The following PIK3C2G variants were observed in gnomAD, a reference collection of about 807,000 sequenced individuals.
PIK3C2G encodes the protein phosphatidylinositol-4-phosphate 3-kinase catalytic subunit type 2 gamma.
In PIK3C2G, 168 loss-of-function variants were observed where a neutral mutation model predicts 181.1. The observed-to-expected ratio is 0.93, with a 90% CI of 0.82 to 1.05. The LOEUF (loss-of-function observed/expected upper bound fraction) is 1.05, where lower values mean the gene tolerates loss of function less well. Among genes scored for constraint, PIK3C2G ranks in the 50% least tolerant of loss-of-function variants. The pLI is 0.00. For synonymous variants in PIK3C2G, 573 were observed against 592.2 expected (o/e 0.97, Z 0.47); for missense variants, 1,869 against 1,732.8 (o/e 1.08, Z -1.40).
chr12:18,705,360 A>G, the PIK3C2G span: 1 of 1,606,058 alleles, frequency 6.2e-7, no homozygotes, highest in Non-Finnish European at 8.5e-7. Context: ...AAACTTCTAA[A>G]TAATTGTAAG....
intron 24 of PIK3C2G, 141 bp from the exon 25 acceptor site, chr12:18,538,015 C>T (rs974670294): frequency 1.9e-5 from 13 of 688,046 alleles, no homozygotes; most frequent in East Asian, 1.4e-4. Flanking sequence ...CTCAAGCTGC[C>T]TCACAATGAA....
chr12:18,318,136 C>T (rs1274176831), intron 6 of PIK3C2G, among the ~76,000 whole-genome samples: 1 of 152,146 alleles, frequency 6.6e-6, no homozygotes, highest in East Asian at 1.9e-4. Context: ...ATATACACTG[C>T]AGTATCATGA....
At chr12:18,568,394 GT>G (rs1401830800) in intron 29 of PIK3C2G, among the ~76,000 whole-genome samples, 1 of 151,656 alleles carries the variant, frequency 6.6e-6, no homozygotes, top group Non-Finnish European at 1.5e-5. Context: ...TTGTGTGTGT[GT>G]GTGTGTGTGT....
At chr12:18,424,258 G>T (rs911292041) in intron 18 of PIK3C2G, among the ~76,000 whole-genome samples, 1 of 152,118 alleles carries the variant, frequency 6.6e-6, no homozygotes, top group African/African-American at 2.4e-5. Context: ...TAATCAGGAA[G>T]TTAAATCCAA....
At chr12:18,439,210 T>G (rs1946604265) in intron 18 of PIK3C2G, among the ~76,000 whole-genome samples, 1 of 151,998 alleles carries the variant, frequency 6.6e-6, no homozygotes, top group Non-Finnish European at 1.5e-5. Context: ...TTCTGAAACA[T>G]GCTAAGTGTC....
At chr12:18,312,019 A>C (rs1234774882) in intron 5 of PIK3C2G, among the ~76,000 whole-genome samples, 2 of 152,190 alleles carry the variant, frequency 1.3e-5, no homozygotes, top group Non-Finnish European at 2.9e-5. Context: ...TGCGAGGCTA[A>C]GCCAGTCTAG....
At chr12:18,337,600 G>A in intron 8 of PIK3C2G, among the ~76,000 whole-genome samples, 1 of 152,126 alleles carries the variant, frequency 6.6e-6, no homozygotes, top group Non-Finnish European at 1.5e-5. Flanking sequence ...GAAATCAGGT[G>A]TCTCACGTGG....
chr12:18,692,391 T>A, the PIK3C2G span, among the ~76,000 whole-genome samples: 3 of 152,122 alleles, frequency 2.0e-5, no homozygotes, highest in Non-Finnish European at 4.4e-5. Context: ...TTCAAAAGAT[T>A]TAATGACATT....
chr12:18,554,414 C>A (rs1253791811), intron 26 of PIK3C2G, among the ~76,000 whole-genome samples: 3 of 151,970 alleles, frequency 2.0e-5, no homozygotes, highest in African/African-American at 7.2e-5. Flanking sequence ...GTGACATATC[C>A]TTTTTAGTAT....
At chr12:18,368,018 G>C (rs942415943) in intron 12 of PIK3C2G, among the ~76,000 whole-genome samples, 8 of 152,104 alleles carry the variant, frequency 5.3e-5, no homozygotes, top group African/African-American at 1.7e-4. Context: ...CTGCCACTTA[G>C]AAAACCATCA....
At chr12:18,679,321 T>C in the PIK3C2G span, among the ~76,000 whole-genome samples, 1 of 152,038 alleles carries the variant, frequency 6.6e-6, no homozygotes, top group Non-Finnish European at 1.5e-5. Context: ...AACTCTATCA[T>C]TTATTTTATG....
At chr12:18,682,637 T>G in the PIK3C2G span, among the ~76,000 whole-genome samples, 1 of 151,998 alleles carries the variant, frequency 6.6e-6, no homozygotes, top group African/African-American at 2.4e-5. Flanking sequence ...ACACAGTAGA[T>G]CTCTTTTATA....
In PIK3C2G at chr12:18,560,819, A is replaced by G. The variant is rs148134589; in HGVS notation, c.3591-1884A>G. ...CTATTTAAAAAAATGACCCAGAAAA[A>G]CCAATACAGAAGCATGTTTTAGAAA... is the stretch of plus-strand genomic sequence containing the variant. On this transcript the variant is annotated intron_variant, in intron 26 of 32. Coordinates refer to ENST00000538779, the MANE Select transcript of PIK3C2G (RefSeq NM_001288772.2). Among the ~76,000 whole-genome samples, 7 of 152,276 alleles carry G rather than the reference A, an allele frequency of 4.6e-5. No homozygotes were observed. The East Asian group carries it at 1.2e-3, about 25-fold the overall frequency.
At chr12:18,412,559 C>A (rs1944923383) in intron 16 of PIK3C2G, among the ~76,000 whole-genome samples, 1 of 152,006 alleles carries the variant, frequency 6.6e-6, no homozygotes, top group African/African-American at 2.4e-5. Flanking sequence ...CTAATCTCAC[C>A]AAATAGTCTT....
chr12:18,319,089 A>C lies in PIK3C2G; in HGVS notation c.1138-1873A>C, dbSNP rs1950994915. Among the ~76,000 whole-genome samples, 4 of 152,208 alleles carry C rather than the reference A, an allele frequency of 2.6e-5. No homozygotes were observed. The South Asian group carries it at 8.3e-4, about 32-fold the overall frequency. ...GACAGAGCAAGACTCTGTCTCAAAA[A>C]AAAATAAATAAATAATAAAAAGCAG... On this transcript the variant is annotated intron_variant, in intron 6 of 32. Transcript: ENST00000538779.
At chr12:18,712,714 C>T in the PIK3C2G span, 4 of 1,162,888 alleles carry the variant, frequency 3.4e-6, no homozygotes, top group Admixed American at 3.8e-5. Flanking sequence ...TCACTGCCTA[C>T]TAATGGATCA....
chr12:18,379,849 T>C (rs780682675), intron 13 of PIK3C2G, among the ~76,000 whole-genome samples: 3 of 152,120 alleles, frequency 2.0e-5, no homozygotes, highest in Non-Finnish European at 4.4e-5. Flanking sequence ...CATGCCCTTG[T>C]TACAGAAGCC....
the PIK3C2G span, among the ~76,000 whole-genome samples, chr12:18,695,744 T>C: frequency 6.6e-6 from 1 of 152,104 alleles, no homozygotes; most frequent in Non-Finnish European, 1.5e-5. Flanking sequence ...AGTTAGGCAA[T>C]CTTATTCACT....
the PIK3C2G span, among the ~76,000 whole-genome samples, chr12:18,725,679 T>C: frequency 2.6e-5 from 4 of 152,126 alleles, no homozygotes; most frequent in African/African-American, 4.8e-5. Flanking sequence ...TGCTCTTATC[T>C]TTTTCCTCCT....
Sources: allele counts gnomAD v4.1 joint callset (sites outside exome capture counted in the v4.1 genomes callset), GRCh38; gene constraint gnomAD v4.1.1; transcripts MANE v1.5; gene names NCBI Gene and HGNC (gene_info 2026-07-23, HGNC 2026-07-21).